The following PDLIM2 variants were observed in gnomAD, a reference collection of about 807,000 sequenced individuals.
PDLIM2 encodes the protein PDZ and LIM domain 2, also known as PDZ and LIM domain protein 2.
In PDLIM2, 51 loss-of-function variants were observed where a neutral mutation model predicts 54.1. The observed-to-expected ratio is 0.94, with a 90% CI of 0.75 to 1.19. The LOEUF is 1.19. Among genes scored for constraint, PDLIM2 ranks in the 50% most tolerant of loss-of-function variants. The pLI is 0.00. For synonymous variants in PDLIM2, 398 were observed against 385.6 expected (o/e 1.03, Z -0.38); for missense variants, 912 against 874.0 (o/e 1.04, Z -0.55).
At chr8:22,581,643 C>T in intron 3 of PDLIM2, 113 bp downstream of exon 2, 1 of 1,355,574 alleles carries the variant, frequency 7.4e-7, no homozygotes, top group Non-Finnish European at 9.7e-7. Flanking sequence ...AAGCGGCCTT[C>T]TTGGGCCCTC....
intron 6 of PDLIM2, among the ~76,000 whole-genome samples, chr8:22,586,341 A>G (rs562422143): frequency 2.7e-4 from 41 of 152,340 alleles, no homozygotes; most frequent in African/African-American, 9.9e-4. Flanking sequence ...TCCCCTTGTT[A>G]AGGAATTGAA....
exon 1 of PDLIM2, chr8:22,579,205 G>T: frequency 7.2e-7 from 1 of 1,387,720 alleles, no homozygotes; most frequent in Non-Finnish European, 9.3e-7. Flanking sequence ...CGCCCAGCCG[G>T]ACAGGTGAGC....
chr8:22,591,446 G>A, intron 8 of PDLIM2, 105 bp from the exon 8 acceptor site: 1 of 996,376 alleles, frequency 1.0e-6, no homozygotes, highest in South Asian at 1.3e-5. Flanking sequence ...TGACTTTAGG[G>A]TTTCTCTTAT....
exon 10 of PDLIM2, chr8:22,593,909 G>C: frequency 5.8e-6 from 9 of 1,544,290 alleles, no homozygotes; most frequent in Non-Finnish European, 7.9e-6. Flanking sequence ...TCTCGGGCCT[G>C]AGCCCGCCAT....
At chr8:22,589,269 A>T in intron 6 of PDLIM2, 29 bp from the exon 6 acceptor site, 1 of 1,532,690 alleles carries the variant, frequency 6.5e-7, no homozygotes, top group Non-Finnish European at 8.7e-7. Flanking sequence ...TCTGGCCCTG[A>T]CTCCTCCCCG....
At chr8:22,585,989 C>G (rs1487805196) in intron 6 of PDLIM2, among the ~76,000 whole-genome samples, 1 of 152,076 alleles carries the variant, frequency 6.6e-6, no homozygotes, top group Non-Finnish European at 1.5e-5. Flanking sequence ...TAACCCCCTT[C>G]CTGGGTGGTA....
chr8:22,578,987 C>T (rs1563854393), exon 1 of PDLIM2: 7 of 1,241,770 alleles, frequency 5.6e-6, no homozygotes, highest in African/African-American at 1.5e-5. Flanking sequence ...CCTGCCTCAT[C>T]CCCCCGGCGG....
At chr8:22,578,774 C>G (rs1011856371) in exon 1 of PDLIM2, 2 of 1,233,914 alleles carry the variant, frequency 1.6e-6, no homozygotes, top group African/African-American at 3.1e-5. Flanking sequence ...TGCCCAGGAC[C>G]TGGGGATGCG....
At chr8:22,585,150 C>G in exon 5 of PDLIM2, 6 of 1,613,258 alleles carry the variant, frequency 3.7e-6, no homozygotes, top group Non-Finnish European at 5.1e-6. Context: ...GGAGAGGCAG[C>G]CATCAGCCGC....
At position 22,593,727 on chromosome 8, in the gene PDLIM2, C is replaced by T. The variant is rs771067698; in HGVS notation, c.1632-6C>T. On this transcript the variant is annotated splice_region_variant and splice_polypyrimidine_tract_variant and intron_variant, in intron 9 of 9. Coordinates refer to ENST00000308354, the Ensembl canonical transcript of PDLIM2. ...CTCTGAGCTAAAGCCTCTCCCTCCC[C>T]TTCAGGAACCAGGCTGTGCGCATCC... 7.0e-6 allele frequency: 11 copies of T among 1,573,500 alleles called. No individual in the cohort carries two copies. The South Asian group carries it at 1.3e-4, about 18-fold the overall frequency.
At chr8:22,579,179 C>G (rs1176866584) in exon 1 of PDLIM2, 1 of 1,367,720 alleles carries the variant, frequency 7.3e-7, no homozygotes, top group Non-Finnish European at 9.4e-7. Context: ...CGCCTTCCCT[C>G]CCTCCCGGGC....
At chr8:22,580,390 C>T in intron 1 of PDLIM2, 85 bp from the exon 1 acceptor site, 1 of 1,255,646 alleles carries the variant, frequency 8.0e-7, no homozygotes, top group Non-Finnish European at 1.1e-6. Context: ...GAAGGGAGAA[C>T]CCAGAAGCAT....
At chr8:22,593,832 G>C in exon 10 of PDLIM2, 1 of 1,591,490 alleles carries the variant, frequency 6.3e-7, no homozygotes, top group Non-Finnish European at 8.5e-7. Context: ...GGCACTTCTG[G>C]GTGGGTGACG....
At chr8:22,581,350 C>G (rs998127341) in intron 2 of PDLIM2, 29 bp from the exon 2 acceptor site, 2 of 1,574,136 alleles carry the variant, frequency 1.3e-6, no homozygotes, top group Non-Finnish European at 1.7e-6. Context: ...GGGCCACGGT[C>G]TGAGCATGCC....
intron 9 of PDLIM2, 129 bp from the exon 9 acceptor site, chr8:22,593,596 AAAAAAAAG>A: frequency 1.7e-6 from 1 of 604,228 alleles, no homozygotes; most frequent in Non-Finnish European, 2.7e-6. Flanking sequence ...AAAAAAAAAA[AAAAAAAAG>A]TCTAGTCTCT....
At position 22,579,174 on chromosome 8, in the gene PDLIM2, TCCCTCCCTCCCGGGCCTGGGCG is replaced by T; in HGVS notation, c.399_420del (p.Pro134AlafsTer113). 1 of 1,362,096 alleles carries T rather than the reference TCCCTCCCTCCCGGGCCTGGGCG, an allele frequency of 7.3e-7. No individual in the cohort carries two copies. The highest frequency in any genetic ancestry group is 1.8e-5 in the South Asian group (1 of 55,760). The allele number at this position is 1,362,096 out of a possible 1,614,324, so 84.4% of individuals were successfully genotyped here. ...CGGGAGCGGTGGCGTCTCCCCGCCT[TCCCTCCCTCCCGGGCCTGGGCG>T]CCCAGCCGGACAGGTGAGCGGCAGC... On this transcript the variant is annotated frameshift_variant, in exon 1 of 10. Coordinates refer to ENST00000308354, the Ensembl canonical transcript of PDLIM2. LOFTEE classifies it high-confidence loss of function.
At chr8:22,584,793 A>G in intron 3 of PDLIM2, 28 bp from the exon 3 acceptor site, 1 of 1,611,226 alleles carries the variant, frequency 6.2e-7, no homozygotes, top group Non-Finnish European at 8.5e-7. Flanking sequence ...GGCCCCTGTG[A>G]CATTCCCTCC....
intron 7 of PDLIM2, 58 bp from the exon 7 acceptor site, chr8:22,589,538 C>T (rs1218457496): frequency 1.3e-6 from 2 of 1,560,762 alleles, no homozygotes; most frequent in Non-Finnish European, 1.7e-6. Flanking sequence ...CCCCCACCCC[C>T]TTGCTTGCCT....
intron 2 of PDLIM2, chr8:22,580,943 G>T (rs1800178226): frequency 2.9e-6 from 2 of 681,962 alleles, no homozygotes; most frequent in Non-Finnish European, 5.5e-6. Context: ...CTCCCCAGTT[G>T]CTATCCCCAC....
Sources: gnomAD v4.1 joint callset for allele counts (sites outside exome capture counted in the v4.1 genomes callset) on GRCh38, gnomAD v4.1.1 for gene constraint, MANE v1.5 for transcripts, NCBI Gene and HGNC (gene_info 2026-07-23, HGNC 2026-07-21) for gene names.